The following ENTREP1 variants were observed in gnomAD, a reference collection of about 807,000 sequenced individuals.
ENTREP1 encodes the protein endosomal transmembrane epsin interactor 1.
At chr9:69,355,564 G>A in the ENTREP1 span, among the ~76,000 whole-genome samples, 1 of 152,168 alleles carries the variant, frequency 6.6e-6, no homozygotes, top group Non-Finnish European at 1.5e-5. Flanking sequence ...AAAGGGTCAG[G>A]CACTCCAATT....
At chr9:69,360,140 T>C in the ENTREP1 span, among the ~76,000 whole-genome samples, 1 of 152,202 alleles carries the variant, frequency 6.6e-6, no homozygotes, top group Non-Finnish European at 1.5e-5. Flanking sequence ...CGAGTTCATG[T>C]TTTTTATTCC....
At chr9:69,385,155 A>G in the ENTREP1 span, among the ~76,000 whole-genome samples, 1 of 152,176 alleles carries the variant, frequency 6.6e-6, no homozygotes, top group Non-Finnish European at 1.5e-5. Flanking sequence ...TCCTGACCTC[A>G]GGTGATCCAC....
At chr9:69,368,468 A>C in the ENTREP1 span, among the ~76,000 whole-genome samples, 315 of 152,242 alleles carry the variant, frequency 2.1e-3, 3 homozygotes, top group African/African-American at 7.4e-3. Flanking sequence ...TGATTTGGGC[A>C]TGTTGATCTA....
At chr9:69,380,754 GT>G in the ENTREP1 span, 7 of 152,260 alleles carry the variant, frequency 4.6e-5, 1 homozygote, top group Non-Finnish European at 1.0e-4. Context: ...CATGGATCTG[GT>G]TTTTACTCTG....
chr9:69,362,384 T>C, the ENTREP1 span, among the ~76,000 whole-genome samples: 5 of 152,270 alleles, frequency 3.3e-5, no homozygotes, highest in Middle Eastern at 3.4e-3. Flanking sequence ...CATTCTTTCA[T>C]TGGGTCAGTT....
At chr9:69,361,766 G>A in the ENTREP1 span, among the ~76,000 whole-genome samples, 1 of 151,972 alleles carries the variant, frequency 6.6e-6, no homozygotes, top group Admixed American at 6.6e-5. Flanking sequence ...AGAGTATCTG[G>A]TGCCACCATT....
chr9:69,356,740 C>T, the ENTREP1 span, among the ~76,000 whole-genome samples: 1 of 152,180 alleles, frequency 6.6e-6, no homozygotes, highest in Non-Finnish European at 1.5e-5. Context: ...CATAGCAGAT[C>T]TGGTTCCTGA....
At chr9:69,384,558 A>G in the ENTREP1 span, among the ~76,000 whole-genome samples, 4 of 152,248 alleles carry the variant, frequency 2.6e-5, no homozygotes, top group African/African-American at 7.2e-5. Flanking sequence ...TGTGTCATTT[A>G]TAACCTAGGG....
chr9:69,335,795 T>C, the ENTREP1 span, among the ~76,000 whole-genome samples: 1 of 50,516 alleles, frequency 2.0e-5, no homozygotes, highest in Non-Finnish European at 4.7e-5. Flanking sequence ...TTGTGTGTTC[T>C]TAATTGACAT....
the ENTREP1 span, among the ~76,000 whole-genome samples, chr9:69,336,743 G>A: frequency 4.6e-5 from 7 of 151,830 alleles, no homozygotes; most frequent in African/African-American, 1.2e-4. Context: ...ATGGAGTCTC[G>A]CACTGTTGCC....
the ENTREP1 span, chr9:69,371,336 A>C: frequency 1.4e-6 from 1 of 706,248 alleles, no homozygotes; most frequent in East Asian, 2.6e-5. Flanking sequence ...AATTTTAAGA[A>C]GTCTAAAATG....
At chr9:69,376,240 C>G in the ENTREP1 span, among the ~76,000 whole-genome samples, 1 of 152,180 alleles carries the variant, frequency 6.6e-6, no homozygotes, top group African/African-American at 2.4e-5. Context: ...AAGTCGCACA[C>G]TCGTGTGTCA....
the ENTREP1 span, among the ~76,000 whole-genome samples, chr9:69,351,244 A>T: frequency 6.6e-6 from 1 of 152,172 alleles, no homozygotes; most frequent in Non-Finnish European, 1.5e-5. Context: ...TTCAAGTTTC[A>T]GATAATTTTT....
At chr9:69,391,746 G>A in the ENTREP1 span, 4 of 1,613,688 alleles carry the variant, frequency 2.5e-6, no homozygotes, top group Non-Finnish European at 3.4e-6. Flanking sequence ...AGGCCCCGGC[G>A]AGTGGAGGCT....
At chr9:69,349,757 T>TA in the ENTREP1 span, among the ~76,000 whole-genome samples, 6 of 152,162 alleles carry the variant, frequency 3.9e-5, no homozygotes, top group Non-Finnish European at 1.5e-5. Flanking sequence ...AAGCTTACTT[T>TA]AAAAAAACTC....
chr9:69,358,902 CTTTTT>C, the ENTREP1 span, among the ~76,000 whole-genome samples: 1 of 96,366 alleles, frequency 1.0e-5, no homozygotes, highest in Non-Finnish European at 2.1e-5. Context: ...CTTTTTCTTT[CTTTTT>C]TTTTTTTTTT....
the ENTREP1 span, chr9:69,377,284 G>A: frequency 7.4e-4 from 636 of 859,508 alleles, 3 homozygotes; most frequent in African/African-American, 9.2e-3. Flanking sequence ...TGGAGGCAGC[G>A]TTATTATTAT....
At chr9:69,325,813 C>T in the ENTREP1 span, 6 of 1,208,656 alleles carry the variant, frequency 5.0e-6, no homozygotes, top group Non-Finnish European at 6.2e-6. Flanking sequence ...TGTTGGCCTC[C>T]AGGGCTGCAG....
chr9:69,383,563 G>T, the ENTREP1 span: 1 of 1,598,544 alleles, frequency 6.3e-7, no homozygotes, highest in Non-Finnish European at 8.5e-7. Flanking sequence ...GCCAGTATCC[G>T]GGCATCACTG....
Sources: gnomAD v4.1 joint callset for allele counts (sites outside exome capture counted in the v4.1 genomes callset) on GRCh38, gnomAD v4.1.1 for gene constraint, MANE v1.5 for transcripts, NCBI Gene and HGNC (gene_info 2026-07-23, HGNC 2026-07-21) for gene names.